Variants in SLC40A1 observed in about 807,000 individuals in gnomAD.
SLC40A1 encodes ferroportin.
Under a neutral mutation model 53.5 loss-of-function variants are expected in SLC40A1, and 16 were observed. That is an observed-to-expected ratio of 0.30 (90% confidence interval 0.20 to 0.45). The LOEUF (loss-of-function observed/expected upper bound fraction) is 0.45, where lower values mean the gene tolerates loss of function less well. Among genes scored for constraint, SLC40A1 ranks in the 20% least tolerant of loss-of-function variants. The probability of loss-of-function intolerance (pLI) is 1.00; values close to 1 mark genes in which losing one functional copy is unlikely to be tolerated. For synonymous variants in SLC40A1, 247 were observed against 253.2 expected, an observed-to-expected ratio of 0.98 and a Z score of 0.23; for missense variants, 545 against 695.4, an observed-to-expected ratio of 0.78 and a Z score of 2.43.
chr2:189,571,484 C>A (rs547895175), intron 5 of SLC40A1, among the ~76,000 whole-genome samples: 33 of 150,568 alleles, frequency 2.2e-4, no homozygotes, highest in African/African-American at 7.5e-4. Context: ...TTCCATTTGC[C>A]AAGTTTGTGT....
intron 1 of SLC40A1, 141 bp from the exon 2 acceptor site, chr2:189,580,021 T>C: frequency 1.2e-6 from 1 of 868,022 alleles, no homozygotes; most frequent in Middle Eastern, 2.2e-4. Context: ...TTTTATCAAG[T>C]TACCTATGAA....
chr2:189,566,322 C>T (rs1015662389), intron 5 of SLC40A1, among the ~76,000 whole-genome samples: 4 of 152,092 alleles, frequency 2.6e-5, no homozygotes, highest in African/African-American at 7.2e-5. Flanking sequence ...GGTGCCAACC[C>T]CAGGGGACAC....
At position 189,561,908 on chromosome 2, in the gene SLC40A1, C is replaced by G; in HGVS notation, c.1686G>C (p.Lys562Asn). The G allele has an allele frequency of 2.5e-6, 4 of 1,614,078 alleles. No individual in the cohort carries two copies. Among genetic ancestry groups the G allele is most frequent in the Non-Finnish European group, 3.4e-6 (4 of 1,179,978 alleles). The part of the protein sequence containing the change: ...ACGPDAKEVR[K>N]ENQANTSVV Reference sequence around the variant, plus strand: ...CAACAGATGTATTTGCTTGATTTTCCTTCCTAACTTCTTTTGCATCAGGAC... The same window carrying G: ...CAACAGATGTATTTGCTTGATTTTCGTTCCTAACTTCTTTTGCATCAGGAC... The change falls in exon 8 of 8, where the codon AAG becomes AAC. Residue 562 changes from lysine to asparagine, a missense_variant. This residue lies in a region of SLC40A1 where 234 missense variants were observed against 299.0 expected (regional missense o/e 0.78). Coordinates refer to ENST00000261024, the MANE Select transcript of SLC40A1 (RefSeq NM_014585.6).
intron 2 of SLC40A1, among the ~76,000 whole-genome samples, chr2:189,576,076 A>G (rs2031277141): frequency 6.6e-6 from 1 of 152,192 alleles, no homozygotes; most frequent in African/African-American, 2.4e-5. Flanking sequence ...GGAATTTTGG[A>G]GTTCATTACC....
intron 1 of SLC40A1, 56 bp from the exon 2 acceptor site, chr2:189,579,936 G>C: frequency 1.3e-6 from 2 of 1,514,604 alleles, no homozygotes; most frequent in South Asian, 1.1e-5. Context: ...AATGAGCTGA[G>C]GGCAGAATGC....
chr2:189,562,077 A>C lies in SLC40A1; in HGVS notation c.1517T>G (p.Leu506Arg). The C allele has an allele frequency of 1.2e-6, 2 of 1,614,072 alleles. No individual in the cohort carries two copies. The highest frequency in any genetic ancestry group is 1.7e-6 in the Non-Finnish European group (2 of 1,179,910). The change falls in exon 8 of 8, where the codon CTG becomes CGG. Residue 506 changes from leucine (L) to arginine (R), a missense_variant. Coordinates refer to ENST00000261024, the MANE Select transcript of SLC40A1 (RefSeq NM_014585.6). ...QNSMNYLLDL[L>R]HFIMVILAPN... is the part of the protein sequence containing the mutation. ...AGCCAGGATGACCATGATGAAATGC[A>C]GAAGATCAAGAAGATAGTTCATGGA... is the stretch of plus-strand genomic sequence containing the variant.
At position 189,577,283 on chromosome 2, in the gene SLC40A1, G is replaced by A. The variant is rs549116622; in HGVS notation, c.112-1963C>T. 6.0e-4 allele frequency among the ~76,000 whole-genome samples: 92 copies of A among 152,266 alleles called. No homozygotes were observed. In the Middle Eastern group the frequency reaches 0.01, roughly 17 times the overall value. ...TTGCAAGCACTAGAGCTTCAGCAGC[G>A]CACAAAAGGTTTTCATGCAGCTCAC... On this transcript the variant is annotated intron_variant, in intron 2 of 7. Transcript: ENST00000261024.
chr2:189,563,538 CA>C (rs1559010016), intron 7 of SLC40A1, 45 bp downstream of exon 7: 1 of 1,567,486 alleles, frequency 6.4e-7, no homozygotes, highest in African/African-American at 1.4e-5. Context: ...ACCTACATTA[CA>C]AAAAGACACT....
intron 6 of SLC40A1, 142 bp downstream of exon 6, chr2:189,565,212 C>T (rs533851532): frequency 2.6e-5 from 28 of 1,065,060 alleles, no homozygotes; most frequent in African/African-American, 7.8e-5. Flanking sequence ...GCTCTTGCCT[C>T]GTCTACCAAA....
intron 6 of SLC40A1, among the ~76,000 whole-genome samples, chr2:189,564,541 A>T (rs933124763): frequency 1.3e-5 from 2 of 151,954 alleles, no homozygotes; most frequent in South Asian, 4.2e-4. Context: ...AAAATTGTCT[A>T]AAAAAACACA....
chr2:189,563,612 C>T lies in SLC40A1; in HGVS notation c.1374G>A (p.Leu458=), dbSNP rs914843654. Residue 458 remains leucine (L), a synonymous_variant, in exon 7 of 8, where the codon CTG becomes CTA. Transcript: ENST00000261024. ...ESVPIISVSL[L]FAGVIAARIG... ...TTCTAGCAGCAATGACGCCTGCAAA[C>T]AGCAGACTGACAGAGATTATGGGCA... is the stretch of plus-strand genomic sequence containing the variant. The T allele has an allele frequency of 3.1e-6, 5 of 1,613,922 alleles. No individual in the cohort carries two copies. In the Admixed American group the frequency reaches 8.3e-5, roughly 27 times the overall value.
At chr2:189,570,358 T>C (rs1017581719) in intron 5 of SLC40A1, among the ~76,000 whole-genome samples, 1 of 152,166 alleles carries the variant, frequency 6.6e-6, no homozygotes, top group African/African-American at 2.4e-5. Flanking sequence ...TGTCAAAATA[T>C]ATCCTTTTGT....
intron 5 of SLC40A1, among the ~76,000 whole-genome samples, chr2:189,567,675 C>G (rs1470119020): frequency 6.6e-6 from 1 of 152,118 alleles, no homozygotes; most frequent in African/African-American, 2.4e-5. Context: ...CAGAAGATTG[C>G]CTTTATTCCT....
chr2:189,565,302 A>G, intron 6 of SLC40A1, 52 bp downstream of exon 6: 1 of 1,609,754 alleles, frequency 6.2e-7, no homozygotes, highest in Non-Finnish European at 8.5e-7. Flanking sequence ...CTTCACCAAC[A>G]TTTAAGGTCT....
At chr2:189,572,501 G>A (rs541457283) in intron 4 of SLC40A1, 37 of 307,738 alleles carry the variant, frequency 1.2e-4, no homozygotes, top group Middle Eastern at 1.1e-3. Context: ...TTGGAGGAAC[G>A]CAATTATGAC....
In SLC40A1 at chr2:189,563,870, T is replaced by G; in HGVS notation, c.1116A>C (p.Thr372=). The change falls in exon 7 of 8, where the codon ACA becomes ACC. Residue 372 remains threonine, a synonymous_variant. Coordinates refer to ENST00000261024, the MANE Select transcript of SLC40A1 (RefSeq NM_014585.6). ...GCTGTGCCAATCCTGAGATCAGACC[T>G]GTCCGAACCAAACCACATTTTCGAC... is the stretch of plus-strand genomic sequence containing the variant. ...WLRRKCGLVR[T]GLISGLAQLS... The G allele has an allele frequency of 6.2e-7, 1 of 1,614,232 alleles. No homozygotes were observed.
intron 5 of SLC40A1, 107 bp from the exon 6 acceptor site, chr2:189,565,706 G>T: frequency 6.7e-7 from 1 of 1,491,800 alleles, no homozygotes; most frequent in Non-Finnish European, 9.3e-7. Flanking sequence ...TTCCTAAAAT[G>T]TGGTTTTCTA....
Position 189,561,883 on chromosome 2 carries a change from C to A in SLC40A1, c.1711G>T (p.Val571Phe). Residue 571 changes from valine (V) to phenylalanine (F), a missense_variant, in exon 8 of 8, where the codon GTT (valine) becomes TTT (phenylalanine). By Grantham distance (50) the Val-to-Phe change is conservative. Transcript: ENST00000261024. ...ATAGCAACAGTTAAACTGTCTCAAA[C>A]AACAGATGTATTTGCTTGATTTTCC... ...RKENQANTSV[V>F] 1.2e-6 allele frequency: 2 copies of A among 1,613,382 alleles called. No homozygotes were observed. The highest frequency in any genetic ancestry group is 1.7e-6 in the Non-Finnish European group (2 of 1,179,330).
At position 189,563,729 on chromosome 2, in the gene SLC40A1, T is replaced by C. The variant is rs1324868528; in HGVS notation, c.1257A>G (p.Thr419=). The change falls in exon 7 of 8, where the codon ACA becomes ACG. Residue 419 remains threonine (T), a synonymous_variant. Coordinates refer to ENST00000261024, the MANE Select transcript of SLC40A1 (RefSeq NM_014585.6). ...TTGTAATTTCAGGTATCTTGGTAGG[T>C]GTAATTGACTCTCCTTGAATGAACC... ...RSRFIQGESI[T]PTKIPEITTE... 6.2e-7 allele frequency: 1 copy of C among 1,614,068 alleles called. No homozygotes were observed. The highest frequency in any genetic ancestry group is 1.1e-5 in the South Asian group (1 of 91,082).
Sources: allele counts gnomAD v4.1 joint callset (sites outside exome capture counted in the v4.1 genomes callset), GRCh38; gene constraint gnomAD v4.1.1; regional missense constraint gnomAD v4.1.1; transcripts MANE v1.5; gene names NCBI Gene and HGNC (gene_info 2026-07-23, HGNC 2026-07-21).